NEK10: variants seen among roughly 807,000 people sequenced by gnomAD.
The protein encoded by NEK10 is serine/threonine-protein kinase Nek10.
Under a neutral mutation model 159.8 loss-of-function variants are expected in NEK10, and 122 were observed. The observed-to-expected ratio is 0.76, with a 90% CI of 0.66 to 0.89. The LOEUF (loss-of-function observed/expected upper bound fraction) is 0.89, where lower values mean the gene tolerates loss of function less well. NEK10 is among the 40% of genes least tolerant of loss of function. The pLI is 0.00. For missense variants in NEK10, 1,342 were observed against 1,323.1 expected, an observed-to-expected ratio of 1.01 and a Z score of -0.22; for synonymous variants, 466 against 457.1, an observed-to-expected ratio of 1.02 and a Z score of -0.25.
At chr3:27,180,983 G>A (rs776928810) in intron 26 of NEK10, among the ~76,000 whole-genome samples, 10 of 152,160 alleles carry the variant, frequency 6.6e-5, no homozygotes, top group South Asian at 4.2e-4. Context: ...TTCACCGCAC[G>A]CTGGACACAC....
chr3:27,341,154 C>G (rs1184990892), intron 5 of NEK10, among the ~76,000 whole-genome samples: 1 of 152,002 alleles, frequency 6.6e-6, no homozygotes, highest in Non-Finnish European at 1.5e-5. Flanking sequence ...AAAAGTCAGT[C>G]TCATAAAGAT....
intron 23 of NEK10, among the ~76,000 whole-genome samples, chr3:27,212,191 A>C (rs1382026941): frequency 6.6e-6 from 1 of 152,232 alleles, no homozygotes; most frequent in Non-Finnish European, 1.5e-5. Context: ...CATGTAAATA[A>C]TTTTTGATTA....
At chr3:27,117,075 T>G (rs4419346) in intron 33 of NEK10, among the ~76,000 whole-genome samples, 150,467 of 152,260 alleles carry the variant, frequency 0.99, 74,348 homozygotes, top group East Asian at 1. Flanking sequence ...AGGACATTTG[T>G]TGTTTGGTTT....
rs558717636 is a variant in NEK10, at chr3:27,253,753, T to A, written c.2090+2543A>T. Among the ~76,000 whole-genome samples, 5 of 152,254 alleles carry A rather than the reference T, an allele frequency of 3.3e-5. No individual in the cohort carries two copies. In the South Asian group the frequency reaches 1.0e-3, roughly 32 times the overall value. On this transcript the variant is annotated intron_variant, in intron 23 of 35. Transcript: ENST00000691995. ...GGGGTGCCTAGGCATCTCTATGGCA[T>A]CCAAATGTCCACATCCCAGGTCCAC...
At chr3:27,194,125 C>CTTTTTTTTTTTTTTTT (rs71091113) in intron 25 of NEK10, 1 of 128,202 alleles carries the variant, frequency 7.8e-6, no homozygotes, top group African/African-American at 3.2e-5. Flanking sequence ...CAGAGAAATT[C>CTTTTTTTTTTTTTTTT]TTTTTTTTTT....
rs572018561 is a variant in NEK10 at position 27,313,836 on chromosome 3, C to T, written c.489+461G>A. Among the ~76,000 whole-genome samples, 32 of 152,138 alleles carry T rather than the reference C, an allele frequency of 2.1e-4. 1 individual carries two copies. The East Asian group carries it at 4.5e-3, about 21-fold the overall frequency. On this transcript the variant is annotated intron_variant, in intron 7 of 35. Transcript: ENST00000691995. ...TAAGCAATTCTCTGCCTCAGCCTCC[C>T]GAGTAGCTGGGATTATAGGCACCTG...
chr3:27,285,027 G>A (rs901848518), intron 20 of NEK10, 66 bp from the exon 21 acceptor site: 17 of 1,276,454 alleles, frequency 1.3e-5, no homozygotes, highest in Middle Eastern at 2.2e-4. Flanking sequence ...AAAACTTTAC[G>A]AATGAGAGTT....
chr3:27,233,430 A>C lies in NEK10; in HGVS notation c.2090+22866T>G, dbSNP rs567722224. On this transcript the variant is annotated intron_variant, in intron 23 of 35. Transcript: ENST00000691995. ...AGATGTTGGTGTGGATGTGGTGAAA[A>C]AGGAACATTTTTACACTGCTGATGG... is the stretch of plus-strand genomic sequence containing the variant. Among the ~76,000 whole-genome samples, 7 of 152,136 alleles carry C rather than the reference A, an allele frequency of 4.6e-5. No individual in the cohort carries two copies. In the South Asian group the frequency reaches 1.2e-3, roughly 27 times the overall value.
At chr3:27,133,822 GT>G (rs1425143129) in intron 31 of NEK10, among the ~76,000 whole-genome samples, 1 of 152,114 alleles carries the variant, frequency 6.6e-6, no homozygotes, top group Admixed American at 6.6e-5. Flanking sequence ...GTCAAAATAC[GT>G]TAATTAGCGA....
intron 5 of NEK10, among the ~76,000 whole-genome samples, chr3:27,328,509 C>A (rs1031001532): frequency 6.6e-6 from 1 of 152,152 alleles, no homozygotes; most frequent in Non-Finnish European, 1.5e-5. Flanking sequence ...GGCAGGAATA[C>A]TGTAAACTGC....
intron 4 of NEK10, 23 bp from the exon 5 acceptor site, chr3:27,344,393 G>A (rs958814651): frequency 7.8e-7 from 1 of 1,281,654 alleles, no homozygotes; most frequent in Non-Finnish European, 1.1e-6. Context: ...AAACAGAAAA[G>A]GATTTTGTAA....
At chr3:27,222,128 T>C (rs1227990970) in intron 23 of NEK10, among the ~76,000 whole-genome samples, 3 of 152,118 alleles carry the variant, frequency 2.0e-5, no homozygotes, top group Non-Finnish European at 4.4e-5. Flanking sequence ...ATCCCAGCAA[T>C]TTGGGAGGCT....
At chr3:27,257,812 G>A (rs1183735133) in intron 22 of NEK10, among the ~76,000 whole-genome samples, 7 of 140,422 alleles carry the variant, frequency 5.0e-5, no homozygotes, top group African/African-American at 8.5e-5. Flanking sequence ...TTTTTGAGAC[G>A]GAGTCTCACT....
intron 20 of NEK10, among the ~76,000 whole-genome samples, chr3:27,286,772 G>A (rs1322181876): frequency 1.3e-5 from 2 of 151,916 alleles, no homozygotes; most frequent in Admixed American, 1.3e-4. Flanking sequence ...TATCATTTCA[G>A]TACAAGTCTG....
chr3:27,328,077 C>G (rs1363300518), intron 5 of NEK10, among the ~76,000 whole-genome samples: 1 of 151,908 alleles, frequency 6.6e-6, no homozygotes, highest in Non-Finnish European at 1.5e-5. Context: ...AAATGTACAC[C>G]CAATCAGAAA....
intron 23 of NEK10, among the ~76,000 whole-genome samples, chr3:27,255,953 C>G (rs1042946186): frequency 2.6e-5 from 4 of 152,096 alleles, no homozygotes; most frequent in African/African-American, 4.8e-5. Context: ...ATAAAATGTT[C>G]CAAGTATCAT....
At chr3:27,347,479 G>T (rs1042177737) in intron 3 of NEK10, among the ~76,000 whole-genome samples, 1 of 131,964 alleles carries the variant, frequency 7.6e-6, no homozygotes, top group African/African-American at 3.1e-5. Flanking sequence ...TCCAGTCTGG[G>T]CAACAAGAGT....
chr3:27,306,692 C>T (rs867158324), intron 11 of NEK10, among the ~76,000 whole-genome samples: 14 of 152,174 alleles, frequency 9.2e-5, no homozygotes, highest in Admixed American at 1.3e-4. Flanking sequence ...CTATAAAATA[C>T]GGGAAAAATA....
chr3:27,358,892 G>A (rs1461381389), intron 1 of NEK10, among the ~76,000 whole-genome samples: 1 of 152,054 alleles, frequency 6.6e-6, no homozygotes, highest in East Asian at 1.9e-4. Context: ...TTTACTAATG[G>A]TTAAAAACGG....
Sources: allele counts gnomAD v4.1 joint callset (sites outside exome capture counted in the v4.1 genomes callset), GRCh38; gene constraint gnomAD v4.1.1; transcripts MANE v1.5; gene names NCBI Gene and HGNC (gene_info 2026-07-23, HGNC 2026-07-21).